Variants in PDE10A observed in about 807,000 individuals in gnomAD.
The protein encoded by PDE10A is cAMP and cAMP-inhibited cGMP 3',5'-cyclic phosphodiesterase 10A.
A neutral mutation model predicts 97.7 loss-of-function variants in PDE10A; 39 were observed. The observed-to-expected ratio is 0.40, with a 90% CI of 0.31 to 0.52. PDE10A has a LOEUF of 0.52. Ranked by LOEUF, PDE10A falls within the 20% of genes least tolerant of loss-of-function variation. The pLI is 0.56. For synonymous variants in PDE10A, 371 were observed against 376.8 expected (o/e 0.98, Z 0.18); for missense variants, 731 against 1,047.8 (o/e 0.70, Z 4.17).
chr6:165,943,221 AAGAAAG>A, intron 1 of PDE10A, among the ~76,000 whole-genome samples: 1 of 81,840 alleles, frequency 1.2e-5, no homozygotes, highest in Middle Eastern at 5.3e-3. Context: ...GAAAGAAAGA[AAGAAAG>A]AAAGAAAGAA....
intron 1 of PDE10A, among the ~76,000 whole-genome samples, chr6:165,858,902 T>C (rs1045783131): frequency 3.3e-5 from 5 of 152,350 alleles, no homozygotes; most frequent in African/African-American, 1.2e-4. Context: ...AGAATCTTAC[T>C]TTTAAATAAA....
chr6:165,478,051 G>C (rs138684289), intron 3 of PDE10A, among the ~76,000 whole-genome samples: 1 of 151,986 alleles, frequency 6.6e-6, no homozygotes, highest in Non-Finnish European at 1.5e-5. Context: ...TATACACCAC[G>C]AACTCCCAAA....
intron 1 of PDE10A, among the ~76,000 whole-genome samples, chr6:165,733,146 A>G (rs900149839): frequency 1.1e-4 from 17 of 152,230 alleles, no homozygotes; most frequent in African/African-American, 4.1e-4. Flanking sequence ...TTTCTGGCTC[A>G]GTGATCCTAG....
intron 1 of PDE10A, among the ~76,000 whole-genome samples, chr6:165,566,865 C>T (rs774376012): frequency 1.3e-5 from 2 of 152,124 alleles, no homozygotes; most frequent in African/African-American, 2.4e-5. Flanking sequence ...GAGTCTATAT[C>T]GATACAATCA....
chr6:165,648,167 C>T (rs1314843952), intron 1 of PDE10A, among the ~76,000 whole-genome samples: 1 of 152,152 alleles, frequency 6.6e-6, no homozygotes, highest in African/African-American at 2.4e-5. Flanking sequence ...CGCCCACCAC[C>T]ACGCCCAGCT....
At chr6:165,875,746 T>TTGTGTG in intron 1 of PDE10A, among the ~76,000 whole-genome samples, 1 of 147,080 alleles carries the variant, frequency 6.8e-6, no homozygotes, top group African/African-American at 2.6e-5. Flanking sequence ...TTTTTTTTTT[T>TTGTGTG]TGTGTGTGTG....
Position 165,450,168 on chromosome 6 carries a change from T to C in PDE10A, c.1144+74A>G, listed in dbSNP as rs1220403949. 10 of 938,884 alleles carry C rather than the reference T, an allele frequency of 1.1e-5. No homozygotes were observed. The East Asian group carries it at 2.4e-4, about 23-fold the overall frequency. 58.2% of individuals were successfully genotyped at this position (938,884 alleles called of 1,614,324 possible). On this transcript the variant is annotated intron_variant, in intron 4 of 21. Transcript: ENST00000539869. Reference sequence around the variant, plus strand: ...TAAATGACTTTCATCTGCCTCTTAGTAAGTAGTTTTTGCTGCTTTTTGTAA... The same window carrying C: ...TAAATGACTTTCATCTGCCTCTTAGCAAGTAGTTTTTGCTGCTTTTTGTAA...
chr6:165,670,440 A>G (rs1790615968), intron 1 of PDE10A, among the ~76,000 whole-genome samples: 1 of 152,236 alleles, frequency 6.6e-6, no homozygotes, highest in South Asian at 2.1e-4. Context: ...CCACAGGTAC[A>G]CTGAGAAATA....
At chr6:165,449,860 T>C (rs1791156546) in intron 4 of PDE10A, among the ~76,000 whole-genome samples, 1 of 152,174 alleles carries the variant, frequency 6.6e-6, no homozygotes, top group Non-Finnish European at 1.5e-5. Context: ...ATAAACCATT[T>C]CTTAAATGGT....
intron 10 of PDE10A, among the ~76,000 whole-genome samples, chr6:165,425,100 G>C (rs1176929851): frequency 6.6e-6 from 1 of 152,018 alleles, no homozygotes; most frequent in African/African-American, 2.4e-5. Flanking sequence ...GTAAAAACTG[G>C]AAAAGAAGAA....
At chr6:165,523,239 C>T (rs187233669) in intron 2 of PDE10A, among the ~76,000 whole-genome samples, 7 of 152,154 alleles carry the variant, frequency 4.6e-5, no homozygotes, top group Admixed American at 2.0e-4. Flanking sequence ...AAACTATCAA[C>T]GTCATTTTTC....
chr6:165,430,003 G>T (rs908912073), intron 9 of PDE10A, among the ~76,000 whole-genome samples: 1 of 152,062 alleles, frequency 6.6e-6, no homozygotes, highest in Non-Finnish European at 1.5e-5. Flanking sequence ...TGCATAAATA[G>T]AGATATTTAG....
rs1412110070 is a variant in PDE10A at position 165,581,998 on chromosome 6, T to C, written c.866-38430A>G. On this transcript the variant is annotated intron_variant, in intron 1 of 21. Transcript: ENST00000539869. ...TGCTTATTTGTATATTCAGTAACTA[T>C]TTTTGAACACTAACAACATGCTATA... Among the ~76,000 whole-genome samples the C allele has an allele frequency of 5.3e-5, 8 of 152,326 alleles. No homozygotes were observed. In the East Asian group the frequency reaches 1.5e-3, roughly 29 times the overall value.
intron 1 of PDE10A, among the ~76,000 whole-genome samples, chr6:165,600,851 T>G (rs1786904623): frequency 6.6e-6 from 1 of 152,190 alleles, no homozygotes; most frequent in African/African-American, 2.4e-5. Context: ...GACAGTGGTA[T>G]TTTCAAAAAT....
intron 1 of PDE10A, among the ~76,000 whole-genome samples, chr6:165,942,544 T>C (rs1349595781): frequency 6.6e-6 from 1 of 152,096 alleles, no homozygotes; most frequent in Non-Finnish European, 1.5e-5. Context: ...GGCCCTGCCA[T>C]GTGTGCTTGC....
At chr6:165,485,470 A>AAAATT (rs767353205) in intron 2 of PDE10A, among the ~76,000 whole-genome samples, 43 of 88,260 alleles carry the variant, frequency 4.9e-4, no homozygotes, top group Non-Finnish European at 4.3e-4. Context: ...TCTGTCTCAA[A>AAAATT]AAAAAAAAAA....
chr6:165,643,661 G>A (rs754027610), intron 1 of PDE10A, among the ~76,000 whole-genome samples: 12 of 152,154 alleles, frequency 7.9e-5, no homozygotes, highest in Non-Finnish European at 1.2e-4. Context: ...TTGAAGTAGA[G>A]AACAGAACGG....
At chr6:165,786,021 C>T (rs1778482127) in intron 1 of PDE10A, among the ~76,000 whole-genome samples, 2 of 152,230 alleles carry the variant, frequency 1.3e-5, no homozygotes, top group South Asian at 4.1e-4. Flanking sequence ...TCATTAATGT[C>T]ATTCAACGAT....
At chr6:165,578,481 T>C (rs1300195326) in intron 1 of PDE10A, among the ~76,000 whole-genome samples, 1 of 152,082 alleles carries the variant, frequency 6.6e-6, no homozygotes, top group Non-Finnish European at 1.5e-5. Context: ...ATTTAAAAAA[T>C]TTGATTAGTT....
Sources: allele counts gnomAD v4.1 joint callset (sites outside exome capture counted in the v4.1 genomes callset), GRCh38; gene constraint gnomAD v4.1.1; transcripts MANE v1.5; gene names NCBI Gene and HGNC (gene_info 2026-07-23, HGNC 2026-07-21).